CARMIL3: variants seen among roughly 807,000 people sequenced by gnomAD.
The protein encoded by CARMIL3 is capping protein, Arp2/3 and myosin-I linker protein 3.
Under a neutral mutation model 180.8 loss-of-function variants are expected in CARMIL3, and 88 were observed. The observed-to-expected ratio is 0.49, with a 90% CI of 0.41 to 0.58. CARMIL3 has a LOEUF of 0.58. CARMIL3 is among the 20% of genes least tolerant of loss of function. The pLI, the probability that CARMIL3 is intolerant of heterozygous loss-of-function variation, is 0.00. For synonymous variants in CARMIL3, 696 were observed against 714.5 expected, an observed-to-expected ratio of 0.97 and a Z score of 0.41; for missense variants, 1,548 against 1,787.0, an observed-to-expected ratio of 0.87 and a Z score of 2.41.
At chr14:24,067,625 G>T (rs2035799979) in intron 36 of CARMIL3, among the ~76,000 whole-genome samples, 1 of 152,260 alleles carries the variant, frequency 6.6e-6, no homozygotes, top group Non-Finnish European at 1.5e-5. Flanking sequence ...CCTCCTCCAA[G>T]GCCAACCCAG....
chr14:24,063,892 G>A (rs191220967), intron 31 of CARMIL3, among the ~76,000 whole-genome samples: 1,759 of 141,386 alleles, frequency 0.012, 21 homozygotes, highest in African/African-American at 0.042. Flanking sequence ...TCAAGAGATC[G>A]AGATCATCCT....
Position 24,062,558 on chromosome 14 carries a change from C to T in CARMIL3, c.2559C>T (p.His853=). The change falls in exon 28 of 40, where the codon CAC becomes CAT. Residue 853 remains histidine (H), a synonymous_variant. Coordinates refer to ENST00000342740, the MANE Select transcript of CARMIL3 (RefSeq NM_138360.4). ...DEILQELYHS[H]KSLARHLTQL... ...TCCTGCAAGAGCTCTACCATTCCCA[C>T]AAGAGCCTGGTAAGGCTTCTTCTGC... The T allele has an allele frequency of 6.2e-7, 1 of 1,614,160 alleles. No individual in the cohort carries two copies. Among genetic ancestry groups the T allele is most frequent in the African/African-American group, 1.3e-5 (1 of 75,058 alleles).
In CARMIL3 at chr14:24,060,003, G is replaced by A. The variant is rs372834504; in HGVS notation, c.1902G>A (p.Val634=). 5.6e-6 allele frequency: 9 copies of A among 1,613,884 alleles called. No individual in the cohort carries two copies. The highest frequency in any genetic ancestry group is 7.6e-6 in the Non-Finnish European group (9 of 1,180,036). Residue 634 remains valine (V), a synonymous_variant, in exon 23 of 40, where the codon GTG becomes GTA. Coordinates refer to ENST00000342740, the MANE Select transcript of CARMIL3 (RefSeq NM_138360.4). ...NHTLRFMSFP[V]SDISQAYRSA... is the part of the protein sequence containing the mutation. Reference sequence around the variant, plus strand: ...CGCTGCGCTTCATGTCCTTCCCCGTGAGCGACATCTCCCAAGCCTATCGCA... The same window carrying A: ...CGCTGCGCTTCATGTCCTTCCCCGTAAGCGACATCTCCCAAGCCTATCGCA...
rs201229217 is a variant in CARMIL3, at chr14:24,054,377, G to A, written c.247-19G>A. The A allele has an allele frequency of 5.6e-5, 90 of 1,613,984 alleles. No homozygotes were observed. The African/African-American group carries it at 1.1e-3, about 21-fold the overall frequency. On this transcript the variant is annotated intron_variant, in intron 4 of 39. Coordinates refer to ENST00000342740, the MANE Select transcript of CARMIL3 (RefSeq NM_138360.4). The surrounding 1 kb of genome is among the most constrained non-coding windows in gnomAD (Gnocchi z 5.1). ...CAGAGAGGAGGGAGTCTGAGGCTCT[G>A]ACGCTTCGTCTCCCCCAGATCCTGG...
chr14:24,068,040 C>T (rs1338775481), intron 36 of CARMIL3, among the ~76,000 whole-genome samples: 2 of 152,260 alleles, frequency 1.3e-5, no homozygotes, highest in Non-Finnish European at 2.9e-5. Context: ...GGCCAGAGTC[C>T]CCTCCAGAGG....
chr14:24,068,516 G>A, intron 36 of CARMIL3, 68 bp from the exon 37 acceptor site: 1 of 1,408,148 alleles, frequency 7.1e-7, no homozygotes, highest in South Asian at 1.3e-5. Context: ...TCAGTGGAGA[G>A]AGGAGACAGG....
rs1212816245 is a variant in CARMIL3 at position 24,062,186 on chromosome 14, C to G, written c.2481-294C>G. On this transcript the variant is annotated intron_variant, in intron 27 of 39. Coordinates refer to ENST00000342740, the MANE Select transcript of CARMIL3 (RefSeq NM_138360.4). ...TACTCAGCACCCCAATTACCTAGCTCTGTTCCACTGGGGCTCCAGGGGCCT... is the reference window on the plus strand; with the variant it reads ...TACTCAGCACCCCAATTACCTAGCTGTGTTCCACTGGGGCTCCAGGGGCCT... 1.3e-5 allele frequency: 7 copies of G among 523,446 alleles called. No homozygotes were observed. In the South Asian group the frequency reaches 1.6e-4, roughly 12 times the overall value. The allele number at this position is 523,446 out of a possible 1,614,324, so 32.4% of individuals were successfully genotyped here.
In CARMIL3 at chr14:24,068,857, G is replaced by A; in HGVS notation, c.3873G>A (p.Gln1291=). Reference sequence around the variant, plus strand: ...TGCCCAGGGGCCGCCAGCCTCCCCAGGAGCCAGGGGTCAGGGAGGAGGCTG... The same window carrying A: ...TGCCCAGGGGCCGCCAGCCTCCCCAAGAGCCAGGGGTCAGGGAGGAGGCTG... ...VAVPRGRQPP[Q]EPGVREEAEA... The change falls in exon 38 of 40, where the codon CAG becomes CAA. Residue 1291 remains glutamine, a synonymous_variant. Transcript: ENST00000342740. The A allele has an allele frequency of 6.2e-7, 1 of 1,613,332 alleles. No individual in the cohort carries two copies. The highest frequency in any genetic ancestry group is 8.5e-7 in the Non-Finnish European group (1 of 1,179,878).
chr14:24,052,113 G>C lies in CARMIL3; in HGVS notation c.-41G>C. ...CATGTGCCGCGGCTCCCCGGCGGCG[G>C]CGGCGGCTCCTCTGCAGCAGCCTCA... On this transcript the variant is annotated 5_prime_UTR_variant, in exon 1 of 40. Transcript: ENST00000342740. 1.3e-6 allele frequency: 2 copies of C among 1,531,906 alleles called. No homozygotes were observed. The highest frequency in any genetic ancestry group is 1.7e-6 in the Non-Finnish European group (2 of 1,145,104). The allele number at this position is 1,531,906 out of a possible 1,614,324, so 94.9% of individuals were successfully genotyped here. A position where few individuals can be genotyped will look rare whatever the true frequency, so the allele number is the denominator to read the frequency against.
Position 24,056,998 on chromosome 14 carries a change from G to A in CARMIL3, c.1036G>A (p.Gly346Arg). Residue 346 changes from glycine to arginine, a missense_variant, in exon 13 of 40, where the codon GGG becomes AGG. Transcript: ENST00000342740. ...LRYLDLSKNP[G>R]LLATDEANAL... ...ATACCTGGACCTGAGCAAGAATCCT[G>A]GGCTCCTCGCCACGGATGAGGCCAA... 1 of 1,613,698 alleles carries A rather than the reference G, an allele frequency of 6.2e-7. No homozygotes were observed. The highest frequency in any genetic ancestry group is 8.5e-7 in the Non-Finnish European group (1 of 1,179,808).
chr14:24,065,849 G>T, intron 34 of CARMIL3, 99 bp downstream of exon 34: 1 of 1,513,328 alleles, frequency 6.6e-7, no homozygotes, highest in Admixed American at 2.0e-5. Flanking sequence ...AGTAGAGAAA[G>T]CAGATGCTTT....
chr14:24,057,470 C>T (rs2035683734), intron 14 of CARMIL3, among the ~76,000 whole-genome samples: 1 of 152,164 alleles, frequency 6.6e-6, no homozygotes, highest in African/African-American at 2.4e-5. Context: ...TGCTCCCTTC[C>T]CCAGCTGTGC....
At chr14:24,060,104 CA>C (rs756469838) in intron 23 of CARMIL3, 41 bp downstream of exon 23, 7 of 1,613,132 alleles carry the variant, frequency 4.3e-6, no homozygotes, top group African/African-American at 2.7e-5. Flanking sequence ...CAGCAAGGGG[CA>C]GGGGGCAGCC....
intron 29 of CARMIL3, 25 bp from the exon 30 acceptor site, chr14:24,063,095 C>T (rs1013677514): frequency 1.9e-6 from 3 of 1,607,646 alleles, no homozygotes; most frequent in African/African-American, 2.7e-5. Flanking sequence ...GTGCCTGGCC[C>T]TGCCACTCGT....
chr14:24,053,702 C>G lies in CARMIL3; in HGVS notation c.41-7C>G, dbSNP rs35809913. The G allele has an allele frequency of 0.13, 214,046 of 1,602,618 alleles. 15,587 individuals are homozygous for G. Among genetic ancestry groups the G allele is most frequent in the Non-Finnish European group, 0.15 (174,639 of 1,173,220 alleles). ...GAAGCTCTGAGCAGGCTCCCACCCC[C>G]CCTCAGACAGCATCCGGAGGTGCCT... On this transcript the variant is annotated splice_region_variant and splice_polypyrimidine_tract_variant and intron_variant, in intron 1 of 39. Coordinates refer to ENST00000342740, the MANE Select transcript of CARMIL3 (RefSeq NM_138360.4).
Position 24,053,795 on chromosome 14 carries a change from C to T in CARMIL3, c.127C>T (p.Arg43Ter), listed in dbSNP as rs749120074. 1.9e-6 allele frequency: 3 copies of T among 1,612,166 alleles called. No homozygotes were observed. The highest frequency in any genetic ancestry group is 2.5e-6 in the Non-Finnish European group (3 of 1,178,982). The change falls in exon 2 of 40, where the codon CGA becomes TGA. Residue 43 changes from arginine to a stop codon, truncating the protein, a stop_gained. Coordinates refer to ENST00000342740, the MANE Select transcript of CARMIL3 (RefSeq NM_138360.4). LOFTEE classifies it high-confidence loss of function. ...GACAAAGCCCAAGAAGTTTGAGGAC[C>T]GAGTGCTGGTGAGGGCACTGGGCAT... ...LETKPKKFED[R>*]VLALTSWRLH... is the part of the protein sequence containing the mutation.
rs762622932 is a variant in CARMIL3, at chr14:24,069,126, T to A, written c.3983-11T>A. ...ACTCCTGTGTTAGGCCTGCCTTGAT[T>A]GTTATTTCAGGGCCCCCTGATCCAG... On this transcript the variant is annotated splice_polypyrimidine_tract_variant and intron_variant, in intron 38 of 39. Transcript: ENST00000342740. 3.7e-6 allele frequency: 6 copies of A among 1,613,758 alleles called. No homozygotes were observed. In the South Asian group the frequency reaches 6.6e-5, roughly 18 times the overall value.
At position 24,055,795 on chromosome 14, in the gene CARMIL3, G is replaced by A. The variant is rs1164826494; in HGVS notation, c.770+6G>A. ...GACAACGCCGGGCTTAAGACGTGAG[G>A]CCAGTCTCCTCCTTGGGCAGTAGTG... On this transcript the variant is annotated splice_donor_region_variant and intron_variant, in intron 10 of 39. Coordinates refer to ENST00000342740, the MANE Select transcript of CARMIL3 (RefSeq NM_138360.4). The A allele has an allele frequency of 1.2e-6, 2 of 1,613,840 alleles. No homozygotes were observed. The highest frequency in any genetic ancestry group is 1.7e-5 in the Admixed American group (1 of 60,022).
In CARMIL3 at chr14:24,057,879, GGT is replaced by G. The variant is rs1566539716; in HGVS notation, c.1217+2_1217+3del. ...CTGGCTCGCAACAGCTGCTCCCACAGGTGGGAGAGGAGGGGGAAGGGAGGACA... is the reference window on the plus strand; with the variant it reads ...CTGGCTCGCAACAGCTGCTCCCACAGGGGAGAGGAGGGGGAAGGGAGGACA... On this transcript the variant is annotated splice_donor_variant, in intron 15 of 39. Coordinates refer to ENST00000342740, the MANE Select transcript of CARMIL3 (RefSeq NM_138360.4). LOFTEE classifies it high-confidence loss of function. 6.2e-7 allele frequency: 1 copy of G among 1,612,878 alleles called. No individual in the cohort carries two copies. The highest frequency in any genetic ancestry group is 1.1e-5 in the South Asian group (1 of 91,060).
Sources: gnomAD v4.1 joint callset for allele counts (sites outside exome capture counted in the v4.1 genomes callset) on GRCh38, gnomAD v4.1.1 for gene constraint, Gnocchi (gnomAD v3.1) non-coding constraint, MANE v1.5 for transcripts, NCBI Gene and HGNC (gene_info 2026-07-23, HGNC 2026-07-21) for gene names.